The following MCUB variants were observed in gnomAD, a reference collection of about 807,000 sequenced individuals.
MCUB encodes the protein calcium uniporter regulatory subunit MCUb, mitochondrial.
A neutral mutation model predicts 41.4 loss-of-function variants in MCUB; 46 were observed. That is an observed-to-expected ratio of 1.11 (90% CI 0.88 to 1.42). The LOEUF is 1.42. MCUB is among the 40% of genes most tolerant of loss of function. The probability of loss-of-function intolerance (pLI) is 0.00; values close to 1 mark genes in which losing one functional copy is unlikely to be tolerated. For missense variants in MCUB, 403 were observed against 404.9 expected, an observed-to-expected ratio of 1.00 and a Z score of 0.04; for synonymous variants, 148 against 148.2, an observed-to-expected ratio of 1.00 and a Z score of 0.01.
chr4:109,587,798 AAG>A (rs1727345893), intron 1 of MCUB, among the ~76,000 whole-genome samples: 2 of 152,334 alleles, frequency 1.3e-5, no homozygotes, highest in East Asian at 1.9e-4. Context: ...TCATAAAAAT[AAG>A]AGATATAGGC....
chr4:109,666,277 T>TGTTTGCACGTAGATTTTCAAATCA (rs1391739105), intron 4 of MCUB, among the ~76,000 whole-genome samples: 1 of 152,220 alleles, frequency 6.6e-6, no homozygotes, highest in African/African-American at 2.4e-5. Flanking sequence ...CGCAGGCTTT[T>TGTTTGCACGTAGATTTTCAAATCA]GTTTGCACGT....
intron 4 of MCUB, among the ~76,000 whole-genome samples, chr4:109,675,455 C>T (rs778918470): frequency 7.9e-5 from 12 of 152,238 alleles, no homozygotes; most frequent in Non-Finnish European, 1.5e-4. Flanking sequence ...CATAGTTTCT[C>T]ATAGCTCAAG....
intron 1 of MCUB, among the ~76,000 whole-genome samples, chr4:109,656,248 A>G (rs1458097611): frequency 6.6e-6 from 1 of 152,134 alleles, no homozygotes; most frequent in African/African-American, 2.4e-5. Flanking sequence ...AACGTGTAGA[A>G]AAAAATCTGG....
At chr4:109,623,148 T>C (rs1728289857) in intron 1 of MCUB, among the ~76,000 whole-genome samples, 1 of 152,196 alleles carries the variant, frequency 6.6e-6, no homozygotes, top group Non-Finnish European at 1.5e-5. Context: ...TCCTCAACCA[T>C]CTTAAAGAAT....
Position 109,566,192 on chromosome 4 carries a change from G to T in MCUB, c.99+5756G>T, listed in dbSNP as rs145895483. Among the ~76,000 whole-genome samples, 214 of 150,448 alleles carry T rather than the reference G, an allele frequency of 1.4e-3. 3 individuals are homozygous for T. In the East Asian group the frequency reaches 0.036, roughly 25 times the overall value. ...TCTTTTGAAAGGAAAAACAGTGGCC[G>T]GGCACAGTGGCTCACGCCTGTAATT... On this transcript the variant is annotated intron_variant, in intron 1 of 7. Transcript: ENST00000394650.
At position 109,678,803 on chromosome 4, in the gene MCUB, G is replaced by A. The variant is rs188531092; in HGVS notation, c.452-3779G>A. On this transcript the variant is annotated intron_variant, in intron 4 of 7. Transcript: ENST00000394650. ...AGACGATGGGTGGCCGGGCAGAGGC[G>A]CTCCTCAATTCCCAGACGGGGCAGC... 9.4e-3 allele frequency among the ~76,000 whole-genome samples: 1,256 copies of A among 133,662 alleles called. 15 individuals carry two copies. The highest frequency in any genetic ancestry group is 0.034 in the African/African-American group (1,172 of 34,882). The allele number at this position is 133,662 out of a possible 152,430, so 87.7% of individuals were successfully genotyped here. A position where few individuals can be genotyped will look rare whatever the true frequency, so the allele number is the denominator to read the frequency against.
intron 1 of MCUB, among the ~76,000 whole-genome samples, chr4:109,615,475 G>A (rs1051718203): frequency 6.7e-6 from 1 of 149,796 alleles, no homozygotes; most frequent in East Asian, 2.0e-4. Context: ...GTGCGATCTC[G>A]GCTCACTGCA....
intron 3 of MCUB, among the ~76,000 whole-genome samples, chr4:109,663,939 A>T (rs951157618): frequency 2.0e-5 from 3 of 151,916 alleles, no homozygotes; most frequent in African/African-American, 7.2e-5. Context: ...CAAAACTGTC[A>T]CCTGCCACTG....
rs762254173 is a variant in MCUB at position 109,659,018 on chromosome 4, G to T, written c.107G>T (p.Arg36Leu). ...AATTTTTCCTTCTTGTAGGTTTTGC[G>T]TGTGAAGCTGTGTGGAAATGTGAAA... The part of the protein sequence containing the change: ...WPLPPPPQVL[R>L]VKLCGNVKYY... The change falls in exon 2 of 8, where the codon CGT (arginine) becomes CTT (leucine). Residue 36 changes from arginine to leucine, a missense_variant. Arg to Leu is a moderately radical substitution (Grantham distance 102). Transcript: ENST00000394650. 3 of 1,529,704 alleles carry T rather than the reference G, an allele frequency of 2.0e-6. No homozygotes were observed. The highest frequency in any genetic ancestry group is 2.4e-5 in the South Asian group (2 of 83,462). 94.8% of individuals were successfully genotyped at this position (1,529,704 alleles called of 1,614,324 possible).
intron 1 of MCUB, among the ~76,000 whole-genome samples, chr4:109,615,958 C>T (rs913075892): frequency 2.0e-5 from 3 of 152,178 alleles, no homozygotes; most frequent in Non-Finnish European, 4.4e-5. Flanking sequence ...ATCACCTGTG[C>T]ACCATCATGT....
intron 1 of MCUB, among the ~76,000 whole-genome samples, chr4:109,597,672 GCCGGGCGGGGGGCTGA>G (rs1727604031): frequency 7.0e-6 from 1 of 142,092 alleles, no homozygotes; most frequent in Non-Finnish European, 1.5e-5. Context: ...CGGGCGGCTG[GCCGGGCGGGGGGCTGA>G]CCCCCCACCT....
chr4:109,680,549 T>TTTTTTTTTTTTTTTTTGAG (rs1729692480), intron 4 of MCUB, among the ~76,000 whole-genome samples: 1 of 152,040 alleles, frequency 6.6e-6, no homozygotes, highest in African/African-American at 2.4e-5. Flanking sequence ...GTATATGTTT[T>TTTTTTTTTTTTTTTTTGAG]ATGTACCAAT....
chr4:109,629,185 G>A (rs1371296205), intron 1 of MCUB, among the ~76,000 whole-genome samples: 1 of 151,902 alleles, frequency 6.6e-6, no homozygotes, highest in Non-Finnish European at 1.5e-5. Flanking sequence ...CACCCAGGCT[G>A]GAGTGCAGTG....
At chr4:109,633,274 TA>T (rs985552353) in intron 1 of MCUB, among the ~76,000 whole-genome samples, 3 of 151,112 alleles carry the variant, frequency 2.0e-5, no homozygotes, top group East Asian at 1.9e-4. Flanking sequence ...GAATTATTAT[TA>T]TTTTTTTTTT....
At chr4:109,596,441 T>TG (rs1478695254) in intron 1 of MCUB, among the ~76,000 whole-genome samples, 1 of 149,076 alleles carries the variant, frequency 6.7e-6, no homozygotes, top group Middle Eastern at 3.4e-3. Context: ...GGGGAGCCCA[T>TG]GAGACACACC....
At chr4:109,568,573 G>A (rs1429631671) in intron 1 of MCUB, among the ~76,000 whole-genome samples, 3 of 152,038 alleles carry the variant, frequency 2.0e-5, no homozygotes, top group Non-Finnish European at 4.4e-5. Flanking sequence ...TCAAGGCTGA[G>A]TTTCAATAGC....
chr4:109,607,492 A>T (rs1046228690), intron 1 of MCUB, among the ~76,000 whole-genome samples: 7 of 152,348 alleles, frequency 4.6e-5, no homozygotes, highest in African/African-American at 1.7e-4. Context: ...TGCTGGGATT[A>T]CAGGCGTGAG....
intron 4 of MCUB, among the ~76,000 whole-genome samples, chr4:109,671,770 T>C (rs924500820): frequency 6.6e-6 from 1 of 152,236 alleles, no homozygotes; most frequent in Admixed American, 6.5e-5. Flanking sequence ...GTTTTTTTCT[T>C]TGCCTTTTAG....
At chr4:109,636,437 G>A (rs917730024) in intron 1 of MCUB, among the ~76,000 whole-genome samples, 2 of 152,074 alleles carry the variant, frequency 1.3e-5, no homozygotes, top group Non-Finnish European at 2.9e-5. Context: ...TTAGAACTCT[G>A]GAAAACACCA....
Sources: allele counts gnomAD v4.1 joint callset (sites outside exome capture counted in the v4.1 genomes callset), GRCh38; gene constraint gnomAD v4.1.1; transcripts MANE v1.5; gene names NCBI Gene and HGNC (gene_info 2026-07-23, HGNC 2026-07-21).